Variants in ABLIM2 observed in about 807,000 individuals in gnomAD.
ABLIM2 encodes the protein actin binding LIM protein family member 2, also known as actin-binding LIM protein 2.
Under a neutral mutation model 97.7 loss-of-function variants are expected in ABLIM2, and 53 were observed. The ratio of observed to expected loss-of-function variants is 0.54; its 90% confidence interval spans 0.44 to 0.68. ABLIM2 has a LOEUF of 0.68. ABLIM2 is among the 30% of genes least tolerant of loss of function. The probability of loss-of-function intolerance (pLI) is 0.00; values close to 1 mark genes in which losing one functional copy is unlikely to be tolerated. For missense variants in ABLIM2, 835 were observed against 867.2 expected, an observed-to-expected ratio of 0.96 and a Z score of 0.47; for synonymous variants, 361 against 345.8, an observed-to-expected ratio of 1.04 and a Z score of -0.49.
rs1050706992 is a variant in ABLIM2, at chr4:8,132,092, T to C, written c.11-25455A>G. On this transcript the variant is annotated intron_variant, in intron 1 of 20. Transcript: ENST00000447017. This position sits in a 1 kb window ranked among gnomAD's most constrained non-coding sequence, Gnocchi z 8.0. Reference sequence around the variant, plus strand: ...CTCGGGGTGCCTGGACATCCCTCCGTGGGGTGTGGTGTACTAGCGGGATGG... The same window carrying C: ...CTCGGGGTGCCTGGACATCCCTCCGCGGGGTGTGGTGTACTAGCGGGATGG... Among the ~76,000 whole-genome samples the C allele has an allele frequency of 6.6e-6, 1 of 152,084 alleles. No homozygotes were observed. Among genetic ancestry groups the C allele is most frequent in the South Asian group, 2.1e-4 (1 of 4,816 alleles).
At position 8,152,203 on chromosome 4, in the gene ABLIM2, C is replaced by T. The variant is rs143582960; in HGVS notation, c.10+6477G>A. ...CGCGTTATGAGGCAGCAACCAATCC[C>T]CCACAGCCACCGGCTAAAGCACGCA... On this transcript the variant is annotated intron_variant, in intron 1 of 20. Coordinates refer to ENST00000447017, the MANE Select transcript of ABLIM2 (RefSeq NM_001130083.2). Among the ~76,000 whole-genome samples, 262 of 152,338 alleles carry T rather than the reference C, an allele frequency of 1.7e-3. 1 individual carries two copies. In the South Asian group the frequency reaches 0.021, roughly 12 times the overall value.
chr4:8,026,605 G>C (rs377089187), intron 12 of ABLIM2, among the ~76,000 whole-genome samples: 1 of 152,222 alleles, frequency 6.6e-6, no homozygotes, highest in Admixed American at 6.5e-5. Flanking sequence ...TTATTGCATT[G>C]CTTGGGGAAT....
rs1334481814 is a variant in ABLIM2 at position 8,004,914 on chromosome 4, T to C, written c.1618+3145A>G. On this transcript the variant is annotated intron_variant, in intron 16 of 20. Transcript: ENST00000447017. This position sits in a 1 kb window ranked among gnomAD's most constrained non-coding sequence, Gnocchi z 5.9. ...GGTGGCAATGCCTGCTGGGAACTAA[T>C]GGAATGGGGATGGCTCCCGGGTTTG... Among the ~76,000 whole-genome samples, 2 of 152,134 alleles carry C rather than the reference T, an allele frequency of 1.3e-5. No homozygotes were observed. The highest frequency in any genetic ancestry group is 2.9e-5 in the Non-Finnish European group (2 of 68,010).
chr4:8,117,706 C>A (rs903390557), intron 1 of ABLIM2, among the ~76,000 whole-genome samples: 2 of 152,162 alleles, frequency 1.3e-5, no homozygotes, highest in African/African-American at 4.8e-5. Flanking sequence ...CTAGGCTCGA[C>A]CGAGAAGACC....
rs1263900829 is a variant in ABLIM2 at position 8,147,269 on chromosome 4, T to C, written c.10+11411A>G. Among the ~76,000 whole-genome samples, 4 of 152,178 alleles carry C rather than the reference T, an allele frequency of 2.6e-5. No individual in the cohort carries two copies. The highest frequency in any genetic ancestry group is 7.2e-5 in the African/African-American group (3 of 41,444). ...AGCGAGTAACATTTTTTTTATCCTA[T>C]GAGAAGTCATTCTCACTCTCTCATC... On this transcript the variant is annotated intron_variant, in intron 1 of 20. Transcript: ENST00000447017. The surrounding 1 kb of genome is among the most constrained non-coding windows in gnomAD (Gnocchi z 5.3).
chr4:8,077,526 GAC>G, intron 6 of ABLIM2, 100 bp downstream of exon 6: 1 of 1,168,954 alleles, frequency 8.6e-7, no homozygotes, highest in Non-Finnish European at 1.2e-6. Flanking sequence ...GCTGCAGCCA[GAC>G]AGATTCTTGC....
rs1357687189 is a variant in ABLIM2, at chr4:8,112,541, G to A, written c.11-5904C>T. On this transcript the variant is annotated intron_variant, in intron 1 of 20. Transcript: ENST00000447017. This position sits in a 1 kb window ranked among gnomAD's most constrained non-coding sequence, Gnocchi z 4.2. Reference sequence around the variant, plus strand: ...CGCAGGATGGAGGGGTCAGATCAGGGGTGGCTATCAGAAAGAGGAAAAACG... The same window carrying A: ...CGCAGGATGGAGGGGTCAGATCAGGAGTGGCTATCAGAAAGAGGAAAAACG... 1.3e-5 allele frequency among the ~76,000 whole-genome samples: 2 copies of A among 152,122 alleles called. No individual in the cohort carries two copies. Among genetic ancestry groups the A allele is most frequent in the Non-Finnish European group, 2.9e-5 (2 of 68,034 alleles).
Position 8,130,001 on chromosome 4 carries a change from T to C in ABLIM2, c.11-23364A>G, listed in dbSNP as rs1849138605. ...GGCTTCTGCTAGTCAGCACAGCTGG[T>C]GCCCTGCGGGCTCCCAGCACTCAGC... On this transcript the variant is annotated intron_variant, in intron 1 of 20. Transcript: ENST00000447017. This position sits in a 1 kb window ranked among gnomAD's most constrained non-coding sequence, Gnocchi z 4.2. Among the ~76,000 whole-genome samples, 2 of 152,192 alleles carry C rather than the reference T, an allele frequency of 1.3e-5. No individual in the cohort carries two copies. Among genetic ancestry groups the C allele is most frequent in the African/African-American group, 2.4e-5 (1 of 41,454 alleles).
At chr4:8,139,100 G>A (rs556751116) in intron 1 of ABLIM2, among the ~76,000 whole-genome samples, 1 of 152,256 alleles carries the variant, frequency 6.6e-6, no homozygotes, top group African/African-American at 2.4e-5. Context: ...GGAGGCTGAG[G>A]GCAGGAGAAT....
At chr4:8,042,016 G>A (rs1391695656) in intron 9 of ABLIM2, among the ~76,000 whole-genome samples, 9 of 152,220 alleles carry the variant, frequency 5.9e-5, no homozygotes, top group Non-Finnish European at 1.0e-4. Context: ...ACGAATGAGC[G>A]CTTAGCAGGC....
chr4:8,080,479 G>T (rs1437775763), intron 5 of ABLIM2, among the ~76,000 whole-genome samples, 197 bp downstream of exon 5: 2 of 152,202 alleles, frequency 1.3e-5, no homozygotes, highest in Non-Finnish European at 2.9e-5. Context: ...GGCCAGGGAA[G>T]GGGGACATAA....
rs150513114 is a variant in ABLIM2, at chr4:8,058,040, C to T, written c.763+2927G>A. On this transcript the variant is annotated intron_variant, in intron 7 of 20. Coordinates refer to ENST00000447017, the MANE Select transcript of ABLIM2 (RefSeq NM_001130083.2). This position sits in a 1 kb window ranked among gnomAD's most constrained non-coding sequence, Gnocchi z 4.2. ...CTGGGTTCGACATCCCACAGAACCTCACAGCAGAAGCGGGGGCTGGCCTCA... is the reference window on the plus strand; with the variant it reads ...CTGGGTTCGACATCCCACAGAACCTTACAGCAGAAGCGGGGGCTGGCCTCA... Among the ~76,000 whole-genome samples the T allele has an allele frequency of 4.8e-4, 73 of 152,350 alleles. No individual in the cohort carries two copies. Among genetic ancestry groups the T allele is most frequent in the African/African-American group, 1.7e-3 (71 of 41,580 alleles).
At position 8,005,674 on chromosome 4, in the gene ABLIM2, C is replaced by G. The variant is rs1012801868; in HGVS notation, c.1618+2385G>C. Among the ~76,000 whole-genome samples, 1 of 152,220 alleles carries G rather than the reference C, an allele frequency of 6.6e-6. No homozygotes were observed. The highest frequency in any genetic ancestry group is 6.5e-5 in the Admixed American group (1 of 15,284). ...AGGCACAGCCGGCAGTCTGGGTCCT[C>G]GCTGCCATTTCCATGCAAATCGGGA... On this transcript the variant is annotated intron_variant, in intron 16 of 20. Transcript: ENST00000447017. This position sits in a 1 kb window ranked among gnomAD's most constrained non-coding sequence, Gnocchi z 4.9.
At chr4:7,967,165 G>T in intron 20 of ABLIM2, 62 bp from the exon 21 acceptor site, 2 of 1,380,446 alleles carry the variant, frequency 1.4e-6, no homozygotes, top group Non-Finnish European at 2.0e-6. Context: ...ACACCATTGG[G>T]CAGTTTGCTG....
intron 17 of ABLIM2, among the ~76,000 whole-genome samples, chr4:7,990,717 G>A (rs537054722): frequency 8.5e-5 from 13 of 152,148 alleles, no homozygotes; most frequent in Non-Finnish European, 1.5e-4. Context: ...CACTCCCAGG[G>A]CATCTCCAGG....
At chr4:8,101,892 T>C (rs1834837843) in intron 2 of ABLIM2, among the ~76,000 whole-genome samples, 3 of 152,214 alleles carry the variant, frequency 2.0e-5, no homozygotes, top group Admixed American at 2.0e-4. Context: ...GTATTCCCAT[T>C]TGTAGAGTAA....
At chr4:8,118,097 C>T (rs1297677716) in intron 1 of ABLIM2, among the ~76,000 whole-genome samples, 9 of 152,262 alleles carry the variant, frequency 5.9e-5, no homozygotes, top group Admixed American at 5.2e-4. Flanking sequence ...TCTGGAGCCT[C>T]TCCCTGCCAT....
Position 8,132,521 on chromosome 4 carries a change from T to C in ABLIM2, c.11-25884A>G, listed in dbSNP as rs937855113. ...CCTGAGCACTGGGCCCCCAGCTCCCTCTGAGTGCTGGATGCCTCCGTGGGG... is the reference window on the plus strand; with the variant it reads ...CCTGAGCACTGGGCCCCCAGCTCCCCCTGAGTGCTGGATGCCTCCGTGGGG... On this transcript the variant is annotated intron_variant, in intron 1 of 20. Transcript: ENST00000447017. This position sits in a 1 kb window ranked among gnomAD's most constrained non-coding sequence, Gnocchi z 8.0. 6.6e-6 allele frequency among the ~76,000 whole-genome samples: 1 copy of C among 151,962 alleles called. No homozygotes were observed. The highest frequency in any genetic ancestry group is 2.4e-5 in the African/African-American group (1 of 41,368).
rs886486773 is a variant in ABLIM2, at chr4:8,023,771, C to T, written c.1268-3468G>A. ...CGCTTTCTCTCCATTTATTTGTTTA[C>T]TCAACATTTATGTAGATCCTTGTGG... On this transcript the variant is annotated intron_variant, in intron 12 of 20. Coordinates refer to ENST00000447017, the MANE Select transcript of ABLIM2 (RefSeq NM_001130083.2). This position sits in a 1 kb window ranked among gnomAD's most constrained non-coding sequence, Gnocchi z 5.7. Among the ~76,000 whole-genome samples the T allele has an allele frequency of 1.3e-5, 2 of 152,124 alleles. No individual in the cohort carries two copies. The highest frequency in any genetic ancestry group is 2.9e-5 in the Non-Finnish European group (2 of 67,962).
Sources: allele counts gnomAD v4.1 joint callset (sites outside exome capture counted in the v4.1 genomes callset), GRCh38; gene constraint gnomAD v4.1.1; non-coding constraint Gnocchi (gnomAD v3.1); transcripts MANE v1.5; gene names NCBI Gene and HGNC (gene_info 2026-07-23, HGNC 2026-07-21).